The following RCAN1 variants were observed in gnomAD, a reference collection of about 807,000 sequenced individuals.
RCAN1 encodes calcipressin-1.
RCAN1 carries 11 observed loss-of-function variants against 22.9 expected under a neutral mutation model. That is an observed-to-expected ratio of 0.48 (90% confidence interval 0.30 to 0.79). The LOEUF is 0.79. Among genes scored for constraint, RCAN1 ranks in the 30% least tolerant of loss-of-function variants. The probability of loss-of-function intolerance (pLI) is 0.06; values close to 1 mark genes in which losing one functional copy is unlikely to be tolerated. For synonymous variants in RCAN1, 136 were observed against 142.3 expected, an observed-to-expected ratio of 0.96 and a Z score of 0.32; for missense variants, 291 against 337.8, an observed-to-expected ratio of 0.86 and a Z score of 1.09.
chr21:34,606,704 GA>G (rs1233910834), intron 1 of RCAN1, among the ~76,000 whole-genome samples: 1 of 152,082 alleles, frequency 6.6e-6, no homozygotes, highest in Non-Finnish European at 1.5e-5. Flanking sequence ...AATATAATAG[GA>G]TTAGTGCTCT....
At chr21:34,558,262 G>T (rs1433139240) in intron 1 of RCAN1, among the ~76,000 whole-genome samples, 2 of 152,148 alleles carry the variant, frequency 1.3e-5, no homozygotes, top group Admixed American at 1.3e-4. Flanking sequence ...CTGCTACCCG[G>T]TGCAGGAGCC....
At chr21:34,601,808 ACT>A (rs1355324871) in intron 1 of RCAN1, among the ~76,000 whole-genome samples, 4 of 134,444 alleles carry the variant, frequency 3.0e-5, no homozygotes, top group Admixed American at 1.6e-4. Flanking sequence ...ACAGAGTGAG[ACT>A]CTGTCTCAAA....
In RCAN1 at chr21:34,614,474, G is replaced by A; in HGVS notation, c.252+286C>T. 1 of 1,025,876 alleles carries A rather than the reference G, an allele frequency of 9.7e-7. No individual in the cohort carries two copies. Among genetic ancestry groups the A allele is most frequent in the Non-Finnish European group, 1.2e-6 (1 of 857,258 alleles). The allele number at this position is 1,025,876 out of a possible 1,614,324, so 63.5% of individuals were successfully genotyped here. A position where few individuals can be genotyped will look rare whatever the true frequency, so the allele number is the denominator to read the frequency against. On this transcript the variant is annotated intron_variant, in intron 1 of 3. Coordinates refer to ENST00000313806, the MANE Select transcript of RCAN1 (RefSeq NM_004414.7). The surrounding 1 kb of genome is among the most constrained non-coding windows in gnomAD (Gnocchi z 6.0). ...GCGGCGCTGCCCCACCTTGGGGAGC[G>A]AATTCACCCCCCTAGTCGCACCAGC...
chr21:34,582,282 C>T (rs745540180), intron 1 of RCAN1, among the ~76,000 whole-genome samples: 5 of 152,096 alleles, frequency 3.3e-5, no homozygotes, highest in Admixed American at 6.5e-5. Flanking sequence ...GTGAAGCTGA[C>T]GTTCTAGCAA....
intron 1 of RCAN1, among the ~76,000 whole-genome samples, chr21:34,607,897 C>T (rs979222495): frequency 1.3e-5 from 2 of 152,188 alleles, no homozygotes; most frequent in Non-Finnish European, 2.9e-5. Context: ...TCTGTATTTA[C>T]AGCTGCTGCC....
chr21:34,543,193 G>A (rs1046316325), intron 1 of RCAN1, among the ~76,000 whole-genome samples: 15 of 152,226 alleles, frequency 9.9e-5, no homozygotes, highest in South Asian at 2.1e-4. Flanking sequence ...CTAGTCCCTG[G>A]AGCTTGTAAA....
chr21:34,613,942 C>A (rs1988748213), intron 1 of RCAN1: 4 of 1,047,744 alleles, frequency 3.8e-6, no homozygotes, highest in Non-Finnish European at 5.1e-6. Context: ...CGGTTTCATT[C>A]TGTGACGCCC....
chr21:34,519,131 T>G (rs1984275165), intron 3 of RCAN1, among the ~76,000 whole-genome samples: 1 of 152,156 alleles, frequency 6.6e-6, no homozygotes, highest in Non-Finnish European at 1.5e-5. Context: ...GGTATTGACT[T>G]CATGGAGCTA....
At chr21:34,603,831 G>A (rs542973093) in intron 1 of RCAN1, among the ~76,000 whole-genome samples, 1 of 152,298 alleles carries the variant, frequency 6.6e-6, no homozygotes, top group South Asian at 2.1e-4. Flanking sequence ...ACCTATAATT[G>A]ATTGTAAGTA....
intron 1 of RCAN1, among the ~76,000 whole-genome samples, chr21:34,533,536 A>T (rs1985526630): frequency 6.6e-6 from 1 of 152,186 alleles, no homozygotes; most frequent in Non-Finnish European, 1.5e-5. Context: ...TCATTCACGC[A>T]TCCCTCCATT....
intron 2 of RCAN1, chr21:34,522,702 A>C: frequency 9.2e-6 from 1 of 108,868 alleles, no homozygotes; most frequent in African/African-American, 3.6e-5. Flanking sequence ...CATCCCAGCA[A>C]GGTATGTGTG....
chr21:34,571,819 A>AT (rs1451261442), intron 1 of RCAN1, among the ~76,000 whole-genome samples: 3 of 152,220 alleles, frequency 2.0e-5, no homozygotes, highest in African/African-American at 4.8e-5. Flanking sequence ...AAGTGCTGGG[A>AT]TTACAGGTGT....
intron 1 of RCAN1, among the ~76,000 whole-genome samples, chr21:34,597,892 G>C (rs1444924365): frequency 6.6e-6 from 1 of 152,022 alleles, no homozygotes; most frequent in Non-Finnish European, 1.5e-5. Context: ...GTAAAAATAA[G>C]TGTAATTTAA....
intron 1 of RCAN1, among the ~76,000 whole-genome samples, chr21:34,541,920 T>C (rs12627432): frequency 0.24 from 36,314 of 151,960 alleles, 5,041 homozygotes; most frequent in African/African-American, 0.38. Flanking sequence ...GGTGACAGAG[T>C]GAGACTCCAT....
chr21:34,522,247 A>G (rs898967728), intron 2 of RCAN1: 7 of 151,692 alleles, frequency 4.6e-5, no homozygotes, highest in Admixed American at 1.3e-4. Context: ...AGGAACAATA[A>G]CCTACGATCC....
chr21:34,603,543 T>C (rs73900528), intron 1 of RCAN1, among the ~76,000 whole-genome samples: 1,818 of 152,216 alleles, frequency 0.012, 37 homozygotes, highest in African/African-American at 0.041. Context: ...CTTGAGGAAA[T>C]TTCGTCACCC....
At chr21:34,561,931 G>C (rs2284590) in intron 1 of RCAN1, among the ~76,000 whole-genome samples, 36,769 of 151,948 alleles carry the variant, frequency 0.24, 5,191 homozygotes, top group African/African-American at 0.39. Context: ...TAAAAGGCTC[G>C]AGATCCTATC....
intron 1 of RCAN1, among the ~76,000 whole-genome samples, chr21:34,558,662 G>C (rs1222029803): frequency 1.3e-5 from 2 of 152,214 alleles, no homozygotes; most frequent in Non-Finnish European, 2.9e-5. Context: ...TTGAATTGTA[G>C]AGTTTTACTC....
intron 1 of RCAN1, among the ~76,000 whole-genome samples, chr21:34,555,604 TA>T (rs1270142443): frequency 1.3e-5 from 2 of 150,244 alleles, no homozygotes; most frequent in Non-Finnish European, 3.0e-5. Flanking sequence ...ATAATAATAA[TA>T]AAAAAATAAA....
Sources: gnomAD v4.1 joint callset for allele counts (sites outside exome capture counted in the v4.1 genomes callset) on GRCh38, gnomAD v4.1.1 for gene constraint, Gnocchi (gnomAD v3.1) non-coding constraint, MANE v1.5 for transcripts, NCBI Gene and HGNC (gene_info 2026-07-23, HGNC 2026-07-21) for gene names.